The following RNASET2 variants were observed in gnomAD, a reference collection of about 807,000 sequenced individuals.
The protein encoded by RNASET2 is ribonuclease 6.
A neutral mutation model predicts 33.9 loss-of-function variants in RNASET2; 28 were observed. The ratio of observed to expected loss-of-function variants is 0.83; its 90% CI spans 0.61 to 1.13. The LOEUF is 1.13. Ranked by LOEUF, RNASET2 falls within the 50% of genes most tolerant of loss-of-function variation. The pLI is 0.00. For missense variants in RNASET2, 330 were observed against 319.9 expected (o/e 1.03, Z -0.24); for synonymous variants, 123 against 121.0 (o/e 1.02, Z -0.11).
At chr6:166,939,652 G>A (rs1270205639) in intron 5 of RNASET2, among the ~76,000 whole-genome samples, 2 of 152,204 alleles carry the variant, frequency 1.3e-5, no homozygotes, top group Non-Finnish European at 2.9e-5. Flanking sequence ...AGGGAATTTC[G>A]CAGAGTGGCA....
At position 166,927,485 on chromosome 6, in the gene RNASET2, T is replaced by C. The variant is rs575299688; in HGVS notation, c.*2103A>G. ...GTTGGCGTCCCCATCCGCTCTCAAATGCTCACACTCATATAATAAATACAC... is the reference window on the plus strand; with the variant it reads ...GTTGGCGTCCCCATCCGCTCTCAAACGCTCACACTCATATAATAAATACAC... On this transcript the variant is annotated 3_prime_UTR_variant, in exon 9 of 9. Coordinates refer to ENST00000508775, the MANE Select transcript of RNASET2 (RefSeq NM_003730.6). 3.2e-4 allele frequency among the ~76,000 whole-genome samples: 48 copies of C among 152,056 alleles called. No individual in the cohort carries two copies. Among genetic ancestry groups the C allele is most frequent in the Middle Eastern group, 6.8e-3 (2 of 292 alleles).
rs760122848 is a variant in RNASET2 at position 166,924,056 on chromosome 6, A to C, written c.*5532T>G. Among the ~76,000 whole-genome samples, 19 of 152,204 alleles carry C rather than the reference A, an allele frequency of 1.2e-4. No homozygotes were observed. Among genetic ancestry groups the C allele is most frequent in the Non-Finnish European group, 2.2e-4 (15 of 68,034 alleles). On this transcript the variant is annotated 3_prime_UTR_variant, in exon 9 of 9. Transcript: ENST00000508775. The stretch of plus-strand genomic sequence containing the variant: ...GTTTCCTCATCTGGGCGTGGTGAGA[A>C]GCCAACAGCAGGCACCTTCCACTGG...
intron 8 of RNASET2, among the ~76,000 whole-genome samples, chr6:166,930,530 GCA>G (rs1384272116): frequency 2.1e-5 from 3 of 146,298 alleles, no homozygotes; most frequent in Non-Finnish European, 3.0e-5. Flanking sequence ...ATTCACACAT[GCA>G]CACACATGCC....
rs1052244598 is a variant in RNASET2 at position 166,925,921 on chromosome 6, G to C, written c.*3667C>G. Among the ~76,000 whole-genome samples, 2 of 152,238 alleles carry C rather than the reference G, an allele frequency of 1.3e-5. No homozygotes were observed. Among genetic ancestry groups the C allele is most frequent in the African/African-American group, 4.8e-5 (2 of 41,466 alleles). ...CTGCCAACAGGGCAGGAGGGATTGA[G>C]GGAATGTCCCTGAGCCGCCATACTG... On this transcript the variant is annotated 3_prime_UTR_variant, in exon 9 of 9. Coordinates refer to ENST00000508775, the MANE Select transcript of RNASET2 (RefSeq NM_003730.6).
At position 166,926,899 on chromosome 6, in the gene RNASET2, C is replaced by G. The variant is rs1778313780; in HGVS notation, c.*2689G>C. 6.6e-6 allele frequency among the ~76,000 whole-genome samples: 1 copy of G among 152,322 alleles called. No homozygotes were observed. The highest frequency in any genetic ancestry group is 1.9e-4 in the East Asian group (1 of 5,180). On this transcript the variant is annotated 3_prime_UTR_variant, in exon 9 of 9. Coordinates refer to ENST00000508775, the MANE Select transcript of RNASET2 (RefSeq NM_003730.6). ...GCAGACGCCTGCTCTGGCTGAGACCCGGGCCAGCTGCCCCTCCTGGCTGCT... is the reference window on the plus strand; with the variant it reads ...GCAGACGCCTGCTCTGGCTGAGACCGGGGCCAGCTGCCCCTCCTGGCTGCT...
intron 2 of RNASET2, 146 bp downstream of exon 2, chr6:166,952,342 G>C: frequency 1.3e-6 from 1 of 744,570 alleles, no homozygotes; most frequent in Non-Finnish European, 2.4e-6. Context: ...CCTGGAGGCA[G>C]TCTCTGCAGG....
Position 166,925,659 on chromosome 6 carries a change from CACA to C in RNASET2, c.*3926_*3928del, listed in dbSNP as rs1778294506. ...CATCCAGCTGGCATCTTCTATGTAA[CACA>C]ACAAGAGCTGGAAGAGAAGAGGCCC... On this transcript the variant is annotated 3_prime_UTR_variant, in exon 9 of 9. Transcript: ENST00000508775. Among the ~76,000 whole-genome samples the C allele has an allele frequency of 6.6e-6, 1 of 152,242 alleles. No homozygotes were observed. Among genetic ancestry groups the C allele is most frequent in the Non-Finnish European group, 1.5e-5 (1 of 68,042 alleles).
intron 8 of RNASET2, 146 bp downstream of exon 8, chr6:166,930,898 A>G (rs578116616): frequency 3.5e-5 from 25 of 720,410 alleles, no homozygotes; most frequent in South Asian, 1.4e-4. Context: ...ACACACATGC[A>G]CACACACACC....
chr6:166,947,575 C>A (rs73041482), intron 3 of RNASET2, among the ~76,000 whole-genome samples: 1 of 152,156 alleles, frequency 6.6e-6, no homozygotes, highest in Non-Finnish European at 1.5e-5. Context: ...TTGGTCACAG[C>A]AGGGGAGAGG....
chr6:166,935,505 T>TTGAGA, intron 6 of RNASET2, among the ~76,000 whole-genome samples: 1 of 152,272 alleles, frequency 6.6e-6, no homozygotes, highest in South Asian at 2.1e-4. Flanking sequence ...TTCTGCTGAG[T>TTGAGA]TGAGATGAGC....
intron 1 of RNASET2, 119 bp downstream of exon 1, chr6:166,955,978 T>A (rs1779154945): frequency 3.2e-4 from 286 of 907,604 alleles, no homozygotes; most frequent in Middle Eastern, 8.1e-4. Context: ...CCCCCCGCCC[T>A]CCCCAGTCGC....
At position 166,933,861 on chromosome 6, in the gene RNASET2, G is replaced by A; in HGVS notation, c.492+230C>T. 2 of 586,340 alleles carry A rather than the reference G, an allele frequency of 3.4e-6. No individual in the cohort carries two copies. Among genetic ancestry groups the A allele is most frequent in the African/African-American group, 1.9e-5 (1 of 53,726 alleles). The allele number at this position is 586,340 out of a possible 1,614,324, so 36.3% of individuals were successfully genotyped here. A position where few individuals can be genotyped will look rare whatever the true frequency, so the allele number is the denominator to read the frequency against. ...CCCTGGAGCACACACTTCTCACAAA[G>A]GGAGCCATGAAATCTGTGCTTCCAA... is the stretch of plus-strand genomic sequence containing the variant. On this transcript the variant is annotated intron_variant, in intron 7 of 8. Transcript: ENST00000508775. This position sits in a 1 kb window ranked among gnomAD's most constrained non-coding sequence, Gnocchi z 4.1.
At chr6:166,953,012 A>T (rs1481656970) in intron 1 of RNASET2, 2 of 210,734 alleles carry the variant, frequency 9.5e-6, no homozygotes, top group African/African-American at 4.6e-5. Context: ...AACTAGCATA[A>T]CGCTATTTAT....
chr6:166,948,935 C>T (rs1235115561), intron 2 of RNASET2, among the ~76,000 whole-genome samples: 1 of 152,152 alleles, frequency 6.6e-6, no homozygotes, highest in Non-Finnish European at 1.5e-5. Context: ...TTTTTATGGG[C>T]CAGGCGCAGT....
At chr6:166,939,247 C>T (rs1367473244) in intron 5 of RNASET2, among the ~76,000 whole-genome samples, 5 of 152,134 alleles carry the variant, frequency 3.3e-5, no homozygotes, top group Admixed American at 1.3e-4. Context: ...GGAGGAGAAT[C>T]GCTTGAACCC....
chr6:166,946,508 T>C (rs1208849161), intron 4 of RNASET2, 174 bp downstream of exon 4: 3 of 632,156 alleles, frequency 4.7e-6, no homozygotes, highest in Non-Finnish European at 8.6e-6. Flanking sequence ...GGTCAATTGG[T>C]GTAATTTGTG....
chr6:166,930,568 T>C (rs1373772375), intron 8 of RNASET2, among the ~76,000 whole-genome samples: 1 of 139,984 alleles, frequency 7.1e-6, no homozygotes, highest in East Asian at 2.2e-4. Context: ...ACAGAGAACA[T>C]GCACACACAT....
chr6:166,955,197 GCA>G (rs1279464424), intron 1 of RNASET2, among the ~76,000 whole-genome samples: 3 of 119,130 alleles, frequency 2.5e-5, no homozygotes, highest in African/African-American at 3.7e-5. Flanking sequence ...ACGCACACAC[GCA>G]CGCACACACG....
At chr6:166,955,733 C>CCAA in intron 1 of RNASET2, 2 of 1,163,094 alleles carry the variant, frequency 1.7e-6, no homozygotes, top group Non-Finnish European at 2.1e-6. Flanking sequence ...TCAGGGCTCC[C>CCAA]CAACCCACTT....
Sources: gnomAD v4.1 joint callset for allele counts (sites outside exome capture counted in the v4.1 genomes callset) on GRCh38, gnomAD v4.1.1 for gene constraint, Gnocchi (gnomAD v3.1) non-coding constraint, MANE v1.5 for transcripts, NCBI Gene and HGNC (gene_info 2026-07-23, HGNC 2026-07-21) for gene names.